Variants in RSPH14 observed in about 807,000 individuals in gnomAD.
RSPH14 encodes the protein rhabdoid tumor deletion region gene 1.
Under a neutral mutation model 26.7 loss-of-function variants are expected in RSPH14, and 20 were observed. The observed-to-expected ratio is 0.75, with a 90% confidence interval of 0.53 to 1.09. RSPH14 has a LOEUF of 1.09. Among genes scored for constraint, RSPH14 ranks in the 50% least tolerant of loss-of-function variants. RSPH14 has a pLI of 0.00. For synonymous variants in RSPH14, 177 were observed against 189.3 expected (o/e 0.93, Z 0.53); for missense variants, 449 against 457.2 (o/e 0.98, Z 0.16).
upstream of RSPH14, chr22:23,145,259 C>G (rs1189233628): frequency 1.0e-6 from 1 of 966,762 alleles, no homozygotes. Context: ...CCACCGCCCA[C>G]CCATCCAGCA....
upstream of RSPH14, among the ~76,000 whole-genome samples, chr22:23,146,329 C>T (rs1291581012): frequency 6.6e-6 from 1 of 152,208 alleles, no homozygotes. Context: ...CCACCTTCCT[C>T]CCAAGTAGCT....
At chr22:23,116,093 G>A (rs912535660) in intron 4 of RSPH14, among the ~76,000 whole-genome samples, 4 of 152,278 alleles carry the variant, frequency 2.6e-5, no homozygotes, top group African/African-American at 7.2e-5. Flanking sequence ...TGCTCACCAC[G>A]TGCCCAGGAC....
the RSPH14 span, among the ~76,000 whole-genome samples, chr22:23,156,995 A>T: frequency 7.2e-5 from 11 of 152,114 alleles, no homozygotes; most frequent in Admixed American, 2.0e-4. Context: ...GTGCAGAGGA[A>T]GCCCCTGTCC....
intron 4 of RSPH14, chr22:23,123,509 A>G: frequency 1.1e-6 from 1 of 872,568 alleles, no homozygotes. Context: ...GAGAGGCCCA[A>G]TCCAGGGGCA....
chr22:23,130,059 A>AAAAGAAAGAAAGAAAG (rs200720313), intron 4 of RSPH14, among the ~76,000 whole-genome samples: 1 of 131,148 alleles, frequency 7.6e-6, no homozygotes, highest in African/African-American at 3.2e-5. Context: ...AAGAGAAAGA[A>AAAAGAAAGAAAGAAAG]AAAGAAAGAA....
At chr22:23,160,054 A>G in the RSPH14 span, among the ~76,000 whole-genome samples, 1 of 152,230 alleles carries the variant, frequency 6.6e-6, no homozygotes. Context: ...GGCCTGGCAC[A>G]TAATAGGCCC....
chr22:23,175,263 G>A, the RSPH14 span, among the ~76,000 whole-genome samples: 1 of 152,078 alleles, frequency 6.6e-6, no homozygotes, highest in Non-Finnish European at 1.5e-5. Flanking sequence ...CTCCCAAAGT[G>A]CTGGGATTAC....
At chr22:23,171,908 G>C in the RSPH14 span, among the ~76,000 whole-genome samples, 7 of 150,756 alleles carry the variant, frequency 4.6e-5, no homozygotes, top group African/African-American at 1.5e-4. Context: ...GTGGAAGCCA[G>C]GATCGGTGGC....
chr22:23,166,772 G>A, the RSPH14 span, among the ~76,000 whole-genome samples: 1 of 152,120 alleles, frequency 6.6e-6, no homozygotes, highest in African/African-American at 2.4e-5. Flanking sequence ...CCAGAGCCCA[G>A]GTCACCCCTG....
At position 23,064,016 on chromosome 22, in the gene RSPH14, T is replaced by A. The variant is rs1040714485; in HGVS notation, c.539A>T (p.Gln180Leu). ...GCCCAGGGCCTCGGTGGCATCCTCC[T>A]GCAGGCAGAGGACCAGTGTGTCCAG... ...FILDTLVLCLQEDATEALGSN... is the reference protein window; with the variant it reads ...FILDTLVLCLLEDATEALGSN... The change falls in exon 5 of 7, where the codon CAG becomes CTG. Residue 180 changes from glutamine (Q) to leucine (L), a missense_variant. Coordinates refer to ENST00000216036, the MANE Select transcript of RSPH14 (RefSeq NM_014433.3). The A allele has an allele frequency of 6.2e-7, 1 of 1,614,090 alleles. No homozygotes were observed. Among genetic ancestry groups the A allele is most frequent in the Admixed American group, 1.7e-5 (1 of 60,010 alleles).
intron 4 of RSPH14, chr22:23,095,625 A>G (rs1167106390): frequency 1.9e-4 from 280 of 1,503,990 alleles, no homozygotes; most frequent in Non-Finnish European, 5.4e-6. Flanking sequence ...GCCTGGTCTC[A>G]GTGTCCCCTG....
chr22:23,155,909 A>G, the RSPH14 span: 1 of 1,498,756 alleles, frequency 6.7e-7, no homozygotes, highest in Non-Finnish European at 9.0e-7. Flanking sequence ...CTGTTGGCTC[A>G]AGACACTGTG....
At chr22:23,174,139 AG>A in the RSPH14 span, among the ~76,000 whole-genome samples, 1 of 152,014 alleles carries the variant, frequency 6.6e-6, no homozygotes, top group Non-Finnish European at 1.5e-5. Context: ...GTAAAGGGAA[AG>A]GGTGGCCTCC....
At chr22:23,094,411 C>G (rs777184931) in intron 4 of RSPH14, among the ~76,000 whole-genome samples, 1 of 152,146 alleles carries the variant, frequency 6.6e-6, no homozygotes, top group African/African-American at 2.4e-5. Flanking sequence ...CCCTGACTCG[C>G]GGGGTTGGTG....
intron 4 of RSPH14, among the ~76,000 whole-genome samples, chr22:23,084,997 TCCTGGGTCC>T (rs2068779681): frequency 6.6e-6 from 1 of 152,136 alleles, no homozygotes; most frequent in African/African-American, 2.4e-5. Flanking sequence ...CCCCATCCTG[TCCTGGGTCC>T]CTTGGGGCCA....
the RSPH14 span, among the ~76,000 whole-genome samples, chr22:23,157,423 TTG>T: frequency 1.3e-5 from 2 of 151,916 alleles, no homozygotes; most frequent in African/African-American, 4.8e-5. Context: ...GCTAATTTTT[TTG>T]TGTGTGTGTA....
intron 4 of RSPH14, among the ~76,000 whole-genome samples, chr22:23,077,862 T>C (rs2068549270): frequency 6.6e-6 from 1 of 152,140 alleles, no homozygotes; most frequent in African/African-American, 2.4e-5. Flanking sequence ...GAACTGGTGG[T>C]ACCTCACCCC....
chr22:23,073,139 G>A (rs2068420484), intron 4 of RSPH14, among the ~76,000 whole-genome samples: 1 of 152,242 alleles, frequency 6.6e-6, no homozygotes, highest in African/African-American at 2.4e-5. Context: ...ACGGTGTGTG[G>A]TGGCAAAGGC....
At chr22:23,077,880 C>T (rs935659236) in intron 4 of RSPH14, among the ~76,000 whole-genome samples, 1 of 152,224 alleles carries the variant, frequency 6.6e-6, no homozygotes, top group Non-Finnish European at 1.5e-5. Flanking sequence ...CCCTACTCCT[C>T]TTGCACCCCC....
Sources: gnomAD v4.1 joint callset for allele counts (sites outside exome capture counted in the v4.1 genomes callset) on GRCh38, gnomAD v4.1.1 for gene constraint, MANE v1.5 for transcripts, NCBI Gene and HGNC (gene_info 2026-07-23, HGNC 2026-07-21) for gene names.